Variants in PPP6R1 observed in about 807,000 individuals in gnomAD.
The protein encoded by PPP6R1 is serine/threonine-protein phosphatase 6 regulatory subunit 1.
PPP6R1 carries 39 observed loss-of-function variants against 104.6 expected under a neutral mutation model. The ratio of observed to expected loss-of-function variants is 0.37; its 90% confidence interval spans 0.29 to 0.49. PPP6R1 has a LOEUF of 0.49. PPP6R1 is among the 20% of genes least tolerant of loss of function. The pLI is 0.98. For missense variants in PPP6R1, 1,181 were observed against 1,155.8 expected, an observed-to-expected ratio of 1.02 and a Z score of -0.32; for synonymous variants, 549 against 479.0, an observed-to-expected ratio of 1.15 and a Z score of -1.91.
chr19:55,242,671 A>G, intron 5 of PPP6R1, 183 bp from the exon 6 acceptor site: 1 of 606,638 alleles, frequency 1.6e-6, no homozygotes, highest in South Asian at 1.9e-5. Context: ...TGGTGGAGAG[A>G]ACAGGAAGCC....
intron 1 of PPP6R1, among the ~76,000 whole-genome samples, chr19:55,252,123 G>A (rs77264214): frequency 0.013 from 2,042 of 152,328 alleles, 24 homozygotes; most frequent in African/African-American, 0.029. Context: ...GGGATTGGGC[G>A]AAGTTCCTGA....
downstream of PPP6R1, chr19:55,229,294 A>C (rs2087315034): frequency 1.3e-5 from 2 of 156,384 alleles, no homozygotes; most frequent in South Asian, 3.8e-4. Flanking sequence ...GGGAACAAGC[A>C]CCCTCTCCTG....
intron 1 of PPP6R1, among the ~76,000 whole-genome samples, chr19:55,251,075 T>C: frequency 6.6e-6 from 1 of 152,168 alleles, no homozygotes; most frequent in Non-Finnish European, 1.5e-5. Flanking sequence ...TTACTAAGCA[T>C]TCACCTCACA....
intron 1 of PPP6R1, 97 bp from the exon 2 acceptor site, chr19:55,247,206 A>ACT: frequency 3.9e-6 from 5 of 1,287,612 alleles, no homozygotes; most frequent in Admixed American, 1.8e-5. Context: ...CACCTTGGGC[A>ACT]CAGCCTCTCC....
chr19:55,231,730 G>T (rs1176239906), intron 19 of PPP6R1, 62 bp from the exon 20 acceptor site: 1 of 1,509,802 alleles, frequency 6.6e-7, no homozygotes, highest in Non-Finnish European at 8.9e-7. Flanking sequence ...CCTATGAGAG[G>T]ACGGGGACCC....
intron 15 of PPP6R1, among the ~76,000 whole-genome samples, chr19:55,237,359 C>A (rs1050232367): frequency 6.6e-6 from 1 of 152,074 alleles, no homozygotes; most frequent in Non-Finnish European, 1.5e-5. Context: ...CTCACACCAG[C>A]CAGGCACAAG....
chr19:55,257,767 G>T (rs1374923088), intron 1 of PPP6R1, among the ~76,000 whole-genome samples: 1 of 152,226 alleles, frequency 6.6e-6, no homozygotes, highest in Non-Finnish European at 1.5e-5. Context: ...CCCCTCCAGG[G>T]ACCGGCCCCA....
At chr19:55,256,666 T>C (rs939808829) in intron 1 of PPP6R1, among the ~76,000 whole-genome samples, 1 of 152,092 alleles carries the variant, frequency 6.6e-6, no homozygotes, top group African/African-American at 2.4e-5. Context: ...TTACAAAAAA[T>C]ACAAACATTA....
At position 55,245,390 on chromosome 19, in the gene PPP6R1, G is replaced by A. The variant is rs778603042; in HGVS notation, c.427C>T (p.Leu143Phe). The A allele has an allele frequency of 9.3e-6, 15 of 1,613,432 alleles. No homozygotes were observed. The highest frequency in any genetic ancestry group is 8.3e-5 in the Admixed American group (5 of 59,952). The change falls in exon 4 of 24, where the codon CTT becomes TTT. Residue 143 changes from leucine to phenylalanine, a missense_variant. Around this residue, in one of 2 missense-constraint regions of PPP6R1, gnomAD observed 139 missense variants for 200.1 expected, o/e 0.69. Transcript: ENST00000412770. This position sits in a 1 kb window ranked among gnomAD's most constrained non-coding sequence, Gnocchi z 6.4. ...NRKTDQLVSF[L>F]RKKDDFVDLL... ...TCCACGAAGTCATCCTTCTTCCGAAGAAAGGACACGAGCTGGGGGCACACG... is the reference window on the plus strand; with the variant it reads ...TCCACGAAGTCATCCTTCTTCCGAAAAAAGGACACGAGCTGGGGGCACACG...
At chr19:55,239,573 C>A (rs778220909) in intron 14 of PPP6R1, 21 bp downstream of exon 14, 9 of 1,609,512 alleles carry the variant, frequency 5.6e-6, no homozygotes, top group Admixed American at 3.4e-5. Context: ...CCAGCACAGC[C>A]CCACATAGCC....
chr19:55,233,018 G>C (rs2087364093), intron 17 of PPP6R1: 1 of 152,152 alleles, frequency 6.6e-6, no homozygotes, highest in South Asian at 2.1e-4. Flanking sequence ...GCATGTTACA[G>C]TACTGAATAC....
At position 55,241,492 on chromosome 19, in the gene PPP6R1, C is replaced by T. The variant is rs1250100026; in HGVS notation, c.993G>A (p.Leu331=). 20 of 1,600,430 alleles carry T rather than the reference C, an allele frequency of 1.2e-5. No individual in the cohort carries two copies. The highest frequency in any genetic ancestry group is 5.2e-5 in the Admixed American group (3 of 57,968). ...CACCCCTGACCTTGGGAGGCTCCAGCAGGAGCTGGTGGAAGCAGCTGAGCC... is the reference window on the plus strand; with the variant it reads ...CACCCCTGACCTTGGGAGGCTCCAGTAGGAGCTGGTGGAAGCAGCTGAGCC... ...RPRLSCFHQL[L]LEPPKLEPLQ... Residue 331 remains leucine, a synonymous_variant, in exon 8 of 24, where the codon CTG becomes CTA. Transcript: ENST00000412770. The surrounding 1 kb of genome is among the most constrained non-coding windows in gnomAD (Gnocchi z 5.4).
At chr19:55,228,501 C>A (rs768131845), downstream of PPP6R1, 9 of 1,588,392 alleles carry the variant, frequency 5.7e-6, no homozygotes, top group Non-Finnish European at 7.7e-6. Context: ...GGACTCAGAT[C>A]TCATGGCTCC....
rs776897792 is a variant in PPP6R1 at position 55,230,599 on chromosome 19, G to A, written c.2642+14C>T. ...AGCCCCACCTACCCAGCCCGAGGCT[G>A]CAGCCACACTCACTGGGAGCCTGGG... On this transcript the variant is annotated intron_variant, in intron 23 of 23. Transcript: ENST00000412770. The A allele has an allele frequency of 8.7e-6, 14 of 1,612,178 alleles. No homozygotes were observed. In the South Asian group the frequency reaches 8.8e-5, roughly 10 times the overall value.
intron 17 of PPP6R1, 94 bp from the exon 18 acceptor site, chr19:55,232,305 C>T (rs1281003011): frequency 1.5e-5 from 22 of 1,445,292 alleles, no homozygotes; most frequent in South Asian, 1.1e-4. Context: ...CCAAGGAGAG[C>T]GGGCTGGGAT....
chr19:55,228,756 C>A (rs554646589), downstream of PPP6R1: 2 of 1,612,498 alleles, frequency 1.2e-6, no homozygotes, highest in South Asian at 2.2e-5. Flanking sequence ...GCCTGATAGC[C>A]CCAGAGCGAC....
rs1159229870 is a variant in PPP6R1 at position 55,245,349 on chromosome 19, G to A, written c.468C>T (p.His156=). 4 of 1,612,732 alleles carry A rather than the reference G, an allele frequency of 2.5e-6. No individual in the cohort carries two copies. The highest frequency in any genetic ancestry group is 1.7e-5 in the Admixed American group (1 of 59,824). Residue 156 remains histidine, a synonymous_variant, in exon 4 of 24, where the codon CAC becomes CAT. Transcript: ENST00000412770. The surrounding 1 kb of genome is among the most constrained non-coding windows in gnomAD (Gnocchi z 6.4). The stretch of plus-strand genomic sequence containing the variant: ...GGTCCATGATGGCCGAGGTGCCAAT[G>A]TGCTGCAGCAGCAGGTCCACGAAGT... ...KDDFVDLLLQ[H]IGTSAIMDLL...
In PPP6R1 at chr19:55,231,407, C is replaced by T; in HGVS notation, c.2459+3G>A. The T allele has an allele frequency of 3.8e-6, 6 of 1,592,734 alleles. No homozygotes were observed. Among genetic ancestry groups the T allele is most frequent in the Non-Finnish European group, 5.1e-6 (6 of 1,170,596 alleles). ...TACTAGGCAGCCCCACCTCGCTGCT[C>T]ACCTGTCCGAGGAGCTGGGGGCAGA... On this transcript the variant is annotated splice_donor_region_variant and intron_variant, in intron 21 of 23. Transcript: ENST00000412770.
intron 1 of PPP6R1, among the ~76,000 whole-genome samples, chr19:55,256,934 C>G (rs949536338): frequency 6.6e-6 from 1 of 152,214 alleles, no homozygotes; most frequent in African/African-American, 2.4e-5. Flanking sequence ...GGAGAGCAGT[C>G]TGCTATCCCC....
Sources: allele counts gnomAD v4.1 joint callset (sites outside exome capture counted in the v4.1 genomes callset), GRCh38; gene constraint gnomAD v4.1.1; regional missense constraint gnomAD v4.1.1; non-coding constraint Gnocchi (gnomAD v3.1); transcripts MANE v1.5; gene names NCBI Gene and HGNC (gene_info 2026-07-23, HGNC 2026-07-21).